Variants in WDFY3 observed in about 807,000 individuals in gnomAD.
WDFY3 encodes the protein WD repeat and FYVE domain-containing protein 3.
A neutral mutation model predicts 409.6 loss-of-function variants in WDFY3; 66 were observed. The ratio of observed to expected loss-of-function variants is 0.16; its 90% confidence interval spans 0.13 to 0.20. The LOEUF (loss-of-function observed/expected upper bound fraction) is 0.20. WDFY3 is among the 10% of genes least tolerant of loss of function. The pLI, the probability that WDFY3 is intolerant of heterozygous loss-of-function variation, is 1.00. For synonymous variants in WDFY3, 1,521 were observed against 1,537.1 expected (o/e 0.99, Z 0.25); for missense variants, 3,031 against 4,298.1 (o/e 0.71, Z 8.24).
chr4:84,911,578 T>G (rs575955376), intron 2 of WDFY3, among the ~76,000 whole-genome samples: 7 of 152,296 alleles, frequency 4.6e-5, no homozygotes, highest in Non-Finnish European at 8.8e-5. Context: ...CAACACAGGT[T>G]TAAACTATTT....
intron 4 of WDFY3, 128 bp from the exon 5 acceptor site, chr4:84,850,153 C>A: frequency 1.1e-6 from 1 of 943,304 alleles, no homozygotes; most frequent in Non-Finnish European, 1.5e-6. Flanking sequence ...TACTTTGAAT[C>A]TTAATATGTT....
chr4:84,862,085 A>G (rs947378975), intron 3 of WDFY3, among the ~76,000 whole-genome samples: 1 of 152,250 alleles, frequency 6.6e-6, no homozygotes, highest in African/African-American at 2.4e-5. Context: ...TATTTACTAA[A>G]TATCTGCCTA....
At chr4:84,863,571 T>C (rs1192578410) in intron 3 of WDFY3, among the ~76,000 whole-genome samples, 3 of 152,338 alleles carry the variant, frequency 2.0e-5, no homozygotes, top group African/African-American at 4.8e-5. Flanking sequence ...ATCAGGTTAT[T>C]TGAGTTTCGC....
intron 1 of WDFY3, among the ~76,000 whole-genome samples, chr4:84,964,380 G>T (rs1038906861): frequency 6.6e-6 from 1 of 152,168 alleles, no homozygotes; most frequent in African/African-American, 2.4e-5. Flanking sequence ...GTGGGAGAAG[G>T]ATCACTCGGG....
intron 36 of WDFY3, among the ~76,000 whole-genome samples, chr4:84,749,288 T>A (rs976983057): frequency 1.3e-5 from 2 of 152,198 alleles, no homozygotes. Context: ...TTGGAAGACA[T>A]AGAATGTTAA....
intron 4 of WDFY3, among the ~76,000 whole-genome samples, chr4:84,859,311 G>A (rs1317697852): frequency 1.3e-5 from 2 of 152,230 alleles, no homozygotes; most frequent in Non-Finnish European, 2.9e-5. Context: ...GGATGAGGAG[G>A]GCAGCATGTA....
intron 10 of WDFY3, among the ~76,000 whole-genome samples, chr4:84,823,246 A>T (rs2149838805): frequency 6.6e-6 from 1 of 152,246 alleles, no homozygotes; most frequent in East Asian, 1.9e-4. Flanking sequence ...AGATACCCAT[A>T]TTAAAAAAGA....
At chr4:84,736,722 C>T (rs1269284188) in intron 41 of WDFY3, among the ~76,000 whole-genome samples, 1 of 151,952 alleles carries the variant, frequency 6.6e-6, no homozygotes, top group Admixed American at 6.6e-5. Flanking sequence ...ACCAGAGAAT[C>T]TATGGTAATA....
In WDFY3 at chr4:84,753,783, G is replaced by C; in HGVS notation, c.5653C>G (p.Leu1885Val). ...TCAGGGCTCATCCACATGGAGGCAA[G>C]GTCTGGCACGTTGTGATACAAATAT... The part of the protein sequence containing the change: ...FRYLYHNVPD[L>V]ASMWMSPDFL... The change falls in exon 35 of 68, where the codon CTT becomes GTT. Residue 1885 changes from leucine to valine, a missense_variant. This residue lies in a region of WDFY3 where 342 missense variants were observed against 463.7 expected (regional missense o/e 0.74). Transcript: ENST00000295888. The C allele has an allele frequency of 7.4e-6, 12 of 1,612,520 alleles. No individual in the cohort carries two copies. Among genetic ancestry groups the C allele is most frequent in the Non-Finnish European group, 1.0e-5 (12 of 1,179,348 alleles).
At chr4:84,817,992 G>T (rs1321542826) in intron 12 of WDFY3, among the ~76,000 whole-genome samples, 1 of 152,094 alleles carries the variant, frequency 6.6e-6, no homozygotes, top group Non-Finnish European at 1.5e-5. Flanking sequence ...GAAAGGAATG[G>T]AATAAATTAT....
At chr4:84,765,639 G>T (rs955472552) in intron 32 of WDFY3, among the ~76,000 whole-genome samples, 171 bp downstream of exon 32, 2 of 152,074 alleles carry the variant, frequency 1.3e-5, no homozygotes, top group East Asian at 1.9e-4. Flanking sequence ...AGTTTGATTT[G>T]CCATTTAAAA....
At chr4:84,951,840 A>T (rs1773651447) in intron 1 of WDFY3, among the ~76,000 whole-genome samples, 1 of 152,230 alleles carries the variant, frequency 6.6e-6, no homozygotes, top group Non-Finnish European at 1.5e-5. Context: ...GTCAATAAGC[A>T]GGGTAGGAAG....
At chr4:84,780,431 T>A in intron 25 of WDFY3, 133 bp from the exon 26 acceptor site, 4 of 1,002,422 alleles carry the variant, frequency 4.0e-6, no homozygotes, top group Non-Finnish European at 4.1e-6. Context: ...ATGCAAATTC[T>A]AGGGAAAGCA....
chr4:84,821,105 T>G lies in WDFY3; in HGVS notation c.1570A>C (p.Thr524Pro). The change falls in exon 11 of 68, where the codon ACT becomes CCT. Residue 524 changes from threonine (T) to proline (P), a missense_variant. By Grantham distance (38) the Thr-to-Pro change is conservative. Around this residue, in one of 16 missense-constraint regions of WDFY3, gnomAD observed 1,322 missense variants for 1,697.9 expected, o/e 0.78. Transcript: ENST00000295888. The stretch of plus-strand genomic sequence containing the variant: ...TTACCTTGTTCATTTAGTGCCTGAG[T>G]TGGATCCTTCAACAGGGCAGCATAT... ...HKYAALLKDP[T>P]QALNEQGDSR... 1 of 1,611,800 alleles carries G rather than the reference T, an allele frequency of 6.2e-7. No homozygotes were observed.
chr4:84,822,295 A>C (rs1453507640), intron 10 of WDFY3, among the ~76,000 whole-genome samples: 2 of 152,202 alleles, frequency 1.3e-5, no homozygotes, highest in African/African-American at 4.8e-5. Context: ...ACCTATTAGG[A>C]GTATATGGCA....
chr4:84,890,573 A>G (rs2150504635), intron 3 of WDFY3, among the ~76,000 whole-genome samples: 1 of 152,326 alleles, frequency 6.6e-6, no homozygotes, highest in East Asian at 1.9e-4. Flanking sequence ...TTACAGTATG[A>G]CTGGAGCAAG....
intron 2 of WDFY3, among the ~76,000 whole-genome samples, chr4:84,926,944 T>C (rs986887236): frequency 6.6e-6 from 1 of 152,212 alleles, no homozygotes. Context: ...AATTTTTGTA[T>C]GATTTCTGCT....
At chr4:84,782,797 T>G (rs183945754) in intron 25 of WDFY3, among the ~76,000 whole-genome samples, 166 bp downstream of exon 25, 53 of 152,308 alleles carry the variant, frequency 3.5e-4, no homozygotes, top group African/African-American at 1.3e-3. Flanking sequence ...TATTTTAAAT[T>G]GACTGGAATT....
At chr4:84,830,490 C>T (rs1221982530) in intron 8 of WDFY3, among the ~76,000 whole-genome samples, 4 of 152,134 alleles carry the variant, frequency 2.6e-5, no homozygotes, top group African/African-American at 9.7e-5. Context: ...GTATTAAATG[C>T]GTTTTCGACT....
Sources: gnomAD v4.1 joint callset for allele counts (sites outside exome capture counted in the v4.1 genomes callset) on GRCh38, gnomAD v4.1.1 for gene constraint, gnomAD v4.1.1 regional missense constraint, MANE v1.5 for transcripts, NCBI Gene and HGNC (gene_info 2026-07-23, HGNC 2026-07-21) for gene names.